Variants in MTA1 observed in about 807,000 individuals in gnomAD.
The protein encoded by MTA1 is metastasis associated 1, also known as metastasis-associated protein MTA1.
MTA1 carries 15 observed loss-of-function variants against 97.0 expected under a neutral mutation model. The observed-to-expected ratio is 0.15, with a 90% CI of 0.10 to 0.24. The LOEUF (loss-of-function observed/expected upper bound fraction) is 0.24. Among genes scored for constraint, MTA1 ranks in the 10% least tolerant of loss-of-function variants. MTA1 has a pLI of 1.00. For synonymous variants in MTA1, 435 were observed against 417.5 expected (o/e 1.04, Z -0.51); for missense variants, 709 against 1,015.1 (o/e 0.70, Z 4.10).
At chr14:105,440,961 G>A (rs1474334261) in intron 2 of MTA1, among the ~76,000 whole-genome samples, 7 of 152,248 alleles carry the variant, frequency 4.6e-5, no homozygotes, top group African/African-American at 1.7e-4. Flanking sequence ...CAAGGAAGGT[G>A]GGAGAGGCGG....
chr14:105,458,428 C>T, intron 8 of MTA1, 56 bp downstream of exon 8: 2 of 1,505,514 alleles, frequency 1.3e-6, no homozygotes, highest in Non-Finnish European at 1.8e-6. Context: ...CTTCTGTTCT[C>T]CCTTCCCTGT....
At chr14:105,421,458 C>T (rs960421153) in intron 1 of MTA1, among the ~76,000 whole-genome samples, 11 of 152,190 alleles carry the variant, frequency 7.2e-5, no homozygotes, top group Admixed American at 2.0e-4. Flanking sequence ...GGGCCCACTG[C>T]GCATGGTTTT....
intron 4 of MTA1, 35 bp downstream of exon 4, chr14:105,449,444 T>C (rs376055301): frequency 6.9e-6 from 11 of 1,604,860 alleles, no homozygotes; most frequent in African/African-American, 1.3e-5. Flanking sequence ...GGCGTCCTCC[T>C]GTCTGTGTCC....
chr14:105,440,603 C>T (rs587647413), intron 2 of MTA1, among the ~76,000 whole-genome samples: 5 of 152,368 alleles, frequency 3.3e-5, no homozygotes, highest in African/African-American at 9.6e-5. Context: ...ACACATGTAG[C>T]ATTGCACACG....
Position 105,420,058 on chromosome 14 carries a change from T to C in MTA1, c.23T>C (p.Val8Ala). Residue 8 changes from valine (V) to alanine (A), a missense_variant, in exon 1 of 21, where the codon GTC (valine) becomes GCC (alanine). Val to Ala is a moderately conservative substitution (Grantham distance 64). Transcript: ENST00000331320. This position sits in a 1 kb window ranked among gnomAD's most constrained non-coding sequence, Gnocchi z 5.3. The stretch of plus-strand genomic sequence containing the variant: ...GACATGGCCGCCAACATGTACAGGG[T>C]CGGAGGTAAGGCCGCACCGCCTTTA... MAANMYR[V>A]GDYVYFENSS... is the part of the protein sequence containing the mutation. 1 of 1,082,458 alleles carries C rather than the reference T, an allele frequency of 9.2e-7. No homozygotes were observed. 67.1% of individuals were successfully genotyped at this position (1,082,458 alleles called of 1,614,324 possible). A position where few individuals can be genotyped will look rare whatever the true frequency, so the allele number is the denominator to read the frequency against.
chr14:105,465,266 C>T (rs2083523370), intron 16 of MTA1, 83 bp downstream of exon 16: 3 of 1,241,218 alleles, frequency 2.4e-6, no homozygotes, highest in Non-Finnish European at 3.2e-6. Flanking sequence ...GTGCTCCCAG[C>T]CTTCTCTAGC....
chr14:105,441,458 G>A lies in MTA1; in HGVS notation c.96+2719G>A, dbSNP rs587619984. On this transcript the variant is annotated intron_variant, in intron 2 of 20. Transcript: ENST00000331320. ...AAAGCCGCAAGGCGTATGGGGCGGG[G>A]CGGGGGGGCTTTTAACAGGAAGGTC... is the stretch of plus-strand genomic sequence containing the variant. Among the ~76,000 whole-genome samples, 171 of 152,306 alleles carry A rather than the reference G, an allele frequency of 1.1e-3. 1 individual carries two copies. The highest frequency in any genetic ancestry group is 4.0e-3 in the African/African-American group (165 of 41,580).
intron 1 of MTA1, among the ~76,000 whole-genome samples, chr14:105,426,395 AAG>A (rs1491044548): frequency 2.6e-5 from 4 of 151,432 alleles, no homozygotes; most frequent in Non-Finnish European, 5.9e-5. Context: ...AAAAAAAAAA[AAG>A]AGCCTCAAGG....
intron 1 of MTA1, among the ~76,000 whole-genome samples, chr14:105,432,206 G>C (rs1426111840): frequency 6.6e-6 from 1 of 151,940 alleles, no homozygotes. Context: ...AGTTGGCAGT[G>C]GTGAAGTTCT....
chr14:105,432,786 T>C (rs113209736), intron 1 of MTA1, among the ~76,000 whole-genome samples: 2,322 of 152,356 alleles, frequency 0.015, 59 homozygotes, highest in African/African-American at 0.053. Flanking sequence ...AGTTTTCTTA[T>C]TGTCAAGAGG....
At chr14:105,433,148 C>T (rs780411429) in intron 1 of MTA1, among the ~76,000 whole-genome samples, 5 of 152,114 alleles carry the variant, frequency 3.3e-5, no homozygotes, top group Admixed American at 6.5e-5. Flanking sequence ...GCACAGGGGC[C>T]GGGCTCAGGA....
chr14:105,468,062 A>G (rs1420057841), intron 18 of MTA1: 1 of 349,494 alleles, frequency 2.9e-6, no homozygotes, highest in African/African-American at 2.1e-5. Flanking sequence ...TGTAGCGGCC[A>G]GGACCTGGGC....
In MTA1 at chr14:105,450,113, A is replaced by G; in HGVS notation, c.297A>G (p.Leu99=). ...AAATGGTGGACCTGCCCGAGAAACT[A>G]AAGCACCAGCTGCGGCATCGGGAGC... ...NPEMVDLPEK[L]KHQLRHRELF... Residue 99 remains leucine (L), a synonymous_variant, in exon 5 of 21, where the codon CTA becomes CTG. Transcript: ENST00000331320. 6.2e-7 allele frequency: 1 copy of G among 1,613,294 alleles called. No homozygotes were observed. The highest frequency in any genetic ancestry group is 8.5e-7 in the Non-Finnish European group (1 of 1,179,844).
intron 1 of MTA1, among the ~76,000 whole-genome samples, chr14:105,421,594 G>T (rs1047878878): frequency 6.6e-5 from 10 of 152,198 alleles, no homozygotes; most frequent in Admixed American, 1.3e-4. Context: ...TGGCTGCATT[G>T]CTCGGCCTTC....
chr14:105,434,628 A>G (rs957366544), intron 1 of MTA1, among the ~76,000 whole-genome samples: 6 of 151,486 alleles, frequency 4.0e-5, no homozygotes, highest in African/African-American at 1.5e-4. Context: ...CCTCCTGAGT[A>G]GCTGGGATTA....
rs1555420709 is a variant in MTA1 at position 105,420,799 on chromosome 14, C to T, written c.28+736C>T. 6.6e-6 allele frequency among the ~76,000 whole-genome samples: 1 copy of T among 152,224 alleles called. No individual in the cohort carries two copies. Among genetic ancestry groups the T allele is most frequent in the Non-Finnish European group, 1.5e-5 (1 of 68,022 alleles). On this transcript the variant is annotated intron_variant, in intron 1 of 20. Coordinates refer to ENST00000331320, the MANE Select transcript of MTA1 (RefSeq NM_004689.4). The surrounding 1 kb of genome is among the most constrained non-coding windows in gnomAD (Gnocchi z 5.3). ...CGGGCCTGCAGCTTTGAGCCTTGCC[C>T]TCCTTCGTGTGCCTGGGACTCCGTG...
At chr14:105,448,124 T>C (rs1455521400) in intron 3 of MTA1, among the ~76,000 whole-genome samples, 3 of 151,816 alleles carry the variant, frequency 2.0e-5, no homozygotes, top group African/African-American at 7.3e-5. Context: ...GAGGGGAACG[T>C]CCCTCCTCAG....
intron 16 of MTA1, 133 bp downstream of exon 16, chr14:105,465,316 C>A: frequency 1.4e-6 from 1 of 721,154 alleles, no homozygotes; most frequent in Non-Finnish European, 2.1e-6. Context: ...TGGAACTGTC[C>A]TTTTGGGGTA....
intron 2 of MTA1, among the ~76,000 whole-genome samples, chr14:105,441,261 C>T (rs1010024406): frequency 6.1e-5 from 8 of 130,862 alleles, no homozygotes; most frequent in Non-Finnish European, 3.2e-5. Flanking sequence ...CCCTGGTGGG[C>T]CCCCCCGCCC....
Sources: allele counts gnomAD v4.1 joint callset (sites outside exome capture counted in the v4.1 genomes callset), GRCh38; gene constraint gnomAD v4.1.1; non-coding constraint Gnocchi (gnomAD v3.1); transcripts MANE v1.5; gene names NCBI Gene and HGNC (gene_info 2026-07-23, HGNC 2026-07-21).